SEPTIN10: variants seen among roughly 807,000 people sequenced by gnomAD.
SEPTIN10 encodes the protein septin-10.
Under a neutral mutation model 54.8 loss-of-function variants are expected in SEPTIN10, and 66 were observed. That is an observed-to-expected ratio of 1.21 (90% CI 0.99 to 1.48). SEPTIN10 has a LOEUF of 1.48. Among genes scored for constraint, SEPTIN10 ranks in the 40% most tolerant of loss-of-function variants. The pLI is 0.00. For synonymous variants in SEPTIN10, 161 were observed against 181.0 expected (o/e 0.89, Z 0.89); for missense variants, 620 against 545.6 (o/e 1.14, Z -1.36).
chr2:109,611,595 C>CA (rs1392509974), intron 1 of SEPTIN10, among the ~76,000 whole-genome samples: 1 of 151,932 alleles, frequency 6.6e-6, no homozygotes, highest in Non-Finnish European at 1.5e-5. Context: ...CCTGCCTCTA[C>CA]AAAAAATACA....
At chr2:109,583,515 A>C in intron 4 of SEPTIN10, among the ~76,000 whole-genome samples, 1 of 152,330 alleles carries the variant, frequency 6.6e-6, no homozygotes, top group East Asian at 1.9e-4. Flanking sequence ...TGTAGAGAAA[A>C]GGAAATGCTT....
intron 9 of SEPTIN10, among the ~76,000 whole-genome samples, chr2:109,547,262 G>A (rs1199943920): frequency 6.6e-6 from 1 of 151,326 alleles, no homozygotes; most frequent in Non-Finnish European, 1.5e-5. Context: ...AAAATTAACT[G>A]TTCTTTGTTG....
intron 3 of SEPTIN10, 69 bp from the exon 4 acceptor site, chr2:109,585,390 T>C: frequency 7.6e-7 from 1 of 1,311,134 alleles, no homozygotes. Context: ...TGTAAATGCC[T>C]AGAGTGGTTT....
chr2:109,571,143 C>T (rs986773242), intron 5 of SEPTIN10, among the ~76,000 whole-genome samples: 3 of 152,198 alleles, frequency 2.0e-5, no homozygotes, highest in Non-Finnish European at 4.4e-5. Context: ...GCTTCCCCTT[C>T]GCCTTCCGCC....
intron 3 of SEPTIN10, 99 bp from the exon 4 acceptor site, chr2:109,585,420 A>G: frequency 9.7e-7 from 1 of 1,028,948 alleles, no homozygotes; most frequent in East Asian, 2.4e-5. Context: ...CAAATATTTC[A>G]AAGGCCAGGG....
At chr2:109,553,452 G>A (rs1021889530) in intron 8 of SEPTIN10, among the ~76,000 whole-genome samples, 1 of 151,680 alleles carries the variant, frequency 6.6e-6, no homozygotes, top group African/African-American at 2.4e-5. Flanking sequence ...GCTGAGGTGG[G>A]AGAATCACCT....
At chr2:109,601,476 T>G (rs1257141977) in intron 1 of SEPTIN10, among the ~76,000 whole-genome samples, 1 of 152,224 alleles carries the variant, frequency 6.6e-6, no homozygotes, top group Non-Finnish European at 1.5e-5. Flanking sequence ...ACATCTTAAT[T>G]TAACTTCTAG....
intron 1 of SEPTIN10, among the ~76,000 whole-genome samples, chr2:109,604,421 AAAAG>A (rs1349126169): frequency 4.1e-5 from 5 of 122,272 alleles, no homozygotes; most frequent in Middle Eastern, 5.1e-3. Flanking sequence ...AAAGAAAGAA[AAAAG>A]AAAGAAAGAA....
At chr2:109,559,747 A>G (rs1270394869) in intron 8 of SEPTIN10, among the ~76,000 whole-genome samples, 1 of 152,136 alleles carries the variant, frequency 6.6e-6, no homozygotes, top group Non-Finnish European at 1.5e-5. Context: ...CCTACTGGAC[A>G]TTCTTTCCCT....
intron 2 of SEPTIN10, among the ~76,000 whole-genome samples, chr2:109,587,805 C>A (rs2105835105): frequency 6.6e-6 from 1 of 152,018 alleles, no homozygotes; most frequent in South Asian, 2.1e-4. Context: ...CCCAGCTACT[C>A]AGGAGGCTGA....
At chr2:109,553,276 G>A (rs924247196) in intron 8 of SEPTIN10, 57 bp from the exon 9 acceptor site, 57 of 1,583,534 alleles carry the variant, frequency 3.6e-5, no homozygotes, top group East Asian at 2.9e-4. Flanking sequence ...CGGGTATGGC[G>A]GCTCACGCCT....
At position 109,549,508 on chromosome 2, in the gene SEPTIN10, T is replaced by C. The variant is rs189296839; in HGVS notation, c.1162-3271A>G. 4.6e-5 allele frequency among the ~76,000 whole-genome samples: 7 copies of C among 152,350 alleles called. No individual in the cohort carries two copies. In the East Asian group the frequency reaches 9.6e-4, roughly 21 times the overall value. ...ACAACTATTCCATACACATGAAGCA[T>C]GCATTCATGGTTCCATTATTCACTA... On this transcript the variant is annotated intron_variant, in intron 9 of 10. Transcript: ENST00000397712.
chr2:109,574,345 CT>C (rs1689085632), intron 5 of SEPTIN10, among the ~76,000 whole-genome samples: 1 of 149,304 alleles, frequency 6.7e-6, no homozygotes, highest in Non-Finnish European at 1.5e-5. Context: ...ACCTGGGAAG[CT>C]GAGGCAGGAG....
At chr2:109,572,263 C>T (rs974447933) in intron 5 of SEPTIN10, among the ~76,000 whole-genome samples, 1 of 151,752 alleles carries the variant, frequency 6.6e-6, no homozygotes, top group African/African-American at 2.4e-5. Flanking sequence ...CCCGAGTAGC[C>T]GGGACTACTG....
chr2:109,544,928 A>G (rs1045504473), intron 10 of SEPTIN10: 2 of 982,436 alleles, frequency 2.0e-6, no homozygotes, highest in African/African-American at 3.5e-5. Flanking sequence ...CTCTTTTCCA[A>G]AAAAACAAAC....
Position 109,585,801 on chromosome 2 carries a change from T to C in SEPTIN10, c.137A>G (p.His46Arg). 6.2e-7 allele frequency: 1 copy of C among 1,613,646 alleles called. No individual in the cohort carries two copies. The highest frequency in any genetic ancestry group is 8.5e-7 in the Non-Finnish European group (1 of 1,179,826). Residue 46 changes from histidine to arginine, a missense_variant, in exon 3 of 11, where the codon CAT becomes CGT. Physicochemically the swap from His to Arg is conservative, Grantham distance 29 (BLOSUM62 0). Coordinates refer to ENST00000397712, the MANE Select transcript of SEPTIN10 (RefSeq NM_144710.5). The stretch of plus-strand genomic sequence containing the variant: ...ATCAGGCAAACTCTCAAAACCAACA[T>C]GGCCAGACATAGTCAACGAACGAAT... ...ENIRSLTMSG[H>R]VGFESLPDQL...
intron 8 of SEPTIN10, among the ~76,000 whole-genome samples, chr2:109,554,569 G>T (rs115608312): frequency 6.6e-6 from 1 of 151,968 alleles, no homozygotes; most frequent in Non-Finnish European, 1.5e-5. Flanking sequence ...TGAACTTAAC[G>T]CTTACAGCTT....
Position 109,585,781 on chromosome 2 carries a change from G to C in SEPTIN10, c.157C>G (p.Pro53Ala). Residue 53 changes from proline to alanine, a missense_variant, in exon 3 of 11, where the codon CCT becomes GCT. By Grantham distance (27) the Pro-to-Ala change is conservative (BLOSUM62 -1). Coordinates refer to ENST00000397712, the MANE Select transcript of SEPTIN10 (RefSeq NM_144710.5). ...MSGHVGFESL[P>A]DQLVNRSIQQ... is the part of the protein sequence containing the mutation. The stretch of plus-strand genomic sequence containing the variant: ...ATGGATCTGTTCACCAGCTGATCAG[G>C]CAAACTCTCAAAACCAACATGGCCA... The C allele has an allele frequency of 6.2e-7, 1 of 1,613,488 alleles. No homozygotes were observed. Among genetic ancestry groups the C allele is most frequent in the Non-Finnish European group, 8.5e-7 (1 of 1,179,798 alleles).
intron 2 of SEPTIN10, among the ~76,000 whole-genome samples, chr2:109,590,655 T>C (rs557917097): frequency 2.6e-5 from 4 of 152,256 alleles, no homozygotes; most frequent in African/African-American, 9.6e-5. Flanking sequence ...TCTCGAACTC[T>C]TGACCTCAGG....
Sources: gnomAD v4.1 joint callset for allele counts (sites outside exome capture counted in the v4.1 genomes callset) on GRCh38, gnomAD v4.1.1 for gene constraint, MANE v1.5 for transcripts, NCBI Gene and HGNC (gene_info 2026-07-23, HGNC 2026-07-21) for gene names.